Variants in SLC4A8 observed in about 807,000 individuals in gnomAD.
SLC4A8 encodes electroneutral sodium bicarbonate exchanger 1.
In SLC4A8, 40 loss-of-function variants were observed where a neutral mutation model predicts 125.0. The ratio of observed to expected loss-of-function variants is 0.32; its 90% CI spans 0.25 to 0.42. The LOEUF (loss-of-function observed/expected upper bound fraction) is 0.42, where lower values mean the gene tolerates loss of function less well. Ranked by LOEUF, SLC4A8 falls within the 10% of genes least tolerant of loss-of-function variation. SLC4A8 has a pLI of 1.00. For missense variants in SLC4A8, 863 were observed against 1,355.1 expected (o/e 0.64, Z 5.70); for synonymous variants, 456 against 476.0 (o/e 0.96, Z 0.55).
chr12:51,441,536 A>C (rs1949598144), intron 2 of SLC4A8, among the ~76,000 whole-genome samples: 1 of 152,136 alleles, frequency 6.6e-6, no homozygotes, highest in African/African-American at 2.4e-5. Context: ...ATGGTTTTCT[A>C]ATTAGTGTTG....
At chr12:51,444,730 A>G (rs771939424) in intron 2 of SLC4A8, among the ~76,000 whole-genome samples, 2 of 152,334 alleles carry the variant, frequency 1.3e-5, no homozygotes, top group Admixed American at 6.5e-5. Context: ...GGACTCGAAC[A>G]TTAGAACCTG....
chr12:51,514,260 G>C lies in SLC4A8; in HGVS notation c.*6822G>C, dbSNP rs1322232800. On this transcript the variant is annotated 3_prime_UTR_variant, in exon 25 of 25. Transcript: ENST00000453097. ...AGCCACATCCTAGCAGGGCATCCAG[G>C]AGCCTTGCACTGAACCTCTCAGCTC... 6.6e-6 allele frequency: 1 copy of C among 152,646 alleles called. No homozygotes were observed. The highest frequency in any genetic ancestry group is 1.5e-5 in the Non-Finnish European group (1 of 68,092). The allele number at this position is 152,646 out of a possible 1,614,324, so 9.5% of individuals were successfully genotyped here. A position where few individuals can be genotyped will look rare whatever the true frequency, so the allele number is the denominator to read the frequency against.
At chr12:51,401,493 C>T (rs1335280368) in intron 1 of SLC4A8, among the ~76,000 whole-genome samples, 1 of 152,160 alleles carries the variant, frequency 6.6e-6, no homozygotes, top group Non-Finnish European at 1.5e-5. Flanking sequence ...TTCCGTGGGC[C>T]GATGGCGTGC....
chr12:51,414,206 C>CT (rs938553616), intron 1 of SLC4A8, among the ~76,000 whole-genome samples: 8 of 149,310 alleles, frequency 5.4e-5, no homozygotes, highest in South Asian at 2.1e-4. Context: ...GCTTTCTTTG[C>CT]TTTTTTTTCC....
chr12:51,500,749 C>G (rs926702410), intron 22 of SLC4A8, among the ~76,000 whole-genome samples: 3 of 151,444 alleles, frequency 2.0e-5, no homozygotes, highest in Non-Finnish European at 4.4e-5. Context: ...TGCAGTGGCG[C>G]TATCTCGGCT....
At chr12:51,391,694 C>T (rs1214151696) in intron 1 of SLC4A8, 2 of 152,218 alleles carry the variant, frequency 1.3e-5, no homozygotes, top group Admixed American at 1.3e-4. Context: ...GGCGGGACCT[C>T]CCCCAGCTGC....
At chr12:51,406,781 C>A (rs1404702103) in intron 1 of SLC4A8, among the ~76,000 whole-genome samples, 1 of 152,182 alleles carries the variant, frequency 6.6e-6, no homozygotes. Flanking sequence ...TCCCCCAGAT[C>A]CTTGAGGTTA....
intron 16 of SLC4A8, chr12:51,480,583 C>A: frequency 1.0e-6 from 1 of 985,998 alleles, no homozygotes; most frequent in African/African-American, 1.7e-5. Flanking sequence ...GTATGGAATC[C>A]CAATGAATGT....
Position 51,502,847 on chromosome 12 carries a change from T to C in SLC4A8, c.3082-1182T>C, listed in dbSNP as rs555061291. Among the ~76,000 whole-genome samples the C allele has an allele frequency of 4.0e-5, 6 of 149,702 alleles. No homozygotes were observed. The South Asian group carries it at 1.3e-3, about 33-fold the overall frequency. On this transcript the variant is annotated intron_variant, in intron 22 of 24. Coordinates refer to ENST00000453097, the MANE Select transcript of SLC4A8 (RefSeq NM_001039960.3). ...CACCACGCCCGACTAATTTTTTTTT[T>C]TTTTTTTTTGAGATGGAGTCTCGCT...
intron 14 of SLC4A8, among the ~76,000 whole-genome samples, chr12:51,472,641 C>T (rs918778538): frequency 1.3e-5 from 2 of 152,112 alleles, no homozygotes; most frequent in Non-Finnish European, 2.9e-5. Context: ...CTTGGAAACG[C>T]AGTGGCAAAC....
At chr12:51,450,468 C>T (rs1246625678) in intron 2 of SLC4A8, among the ~76,000 whole-genome samples, 1 of 152,204 alleles carries the variant, frequency 6.6e-6, no homozygotes, top group Non-Finnish European at 1.5e-5. Flanking sequence ...TGAGCCTTAC[C>T]TGTGCTCTTA....
Position 51,513,618 on chromosome 12 carries a change from C to T in SLC4A8, c.*6180C>T. The T allele has an allele frequency of 6.6e-6, 1 of 152,262 alleles. No homozygotes were observed. Among genetic ancestry groups the T allele is most frequent in the East Asian group, 1.9e-4 (1 of 5,186 alleles). The allele number at this position is 152,262 out of a possible 1,614,324, so 9.4% of individuals were successfully genotyped here. Reference sequence around the variant, plus strand: ...TATAGGCGCGCACCACCATGCCCAGCTAATTTTTGTATTTTTAGTAGAGAT... The same window carrying T: ...TATAGGCGCGCACCACCATGCCCAGTTAATTTTTGTATTTTTAGTAGAGAT... On this transcript the variant is annotated 3_prime_UTR_variant, in exon 25 of 25. Coordinates refer to ENST00000453097, the MANE Select transcript of SLC4A8 (RefSeq NM_001039960.3).
intron 12 of SLC4A8, 63 bp downstream of exon 12, chr12:51,469,851 AGGTC>A: frequency 1.3e-6 from 2 of 1,505,138 alleles, no homozygotes; most frequent in Non-Finnish European, 1.8e-6. Flanking sequence ...GGCGGCAGCC[AGGTC>A]CACTGTGGGG....
intron 1 of SLC4A8, among the ~76,000 whole-genome samples, chr12:51,432,491 G>C (rs768509422): frequency 3.6e-4 from 54 of 151,130 alleles, no homozygotes; most frequent in Non-Finnish European, 6.0e-4. Flanking sequence ...TTGGGAGGCC[G>C]AGGTGGGTGG....
rs551145956 is a variant in SLC4A8, at chr12:51,447,827, C to T, written c.131-3049C>T. On this transcript the variant is annotated intron_variant, in intron 2 of 24. Transcript: ENST00000453097. ...CGCCGCCCAGGTTCATGCCATTCTC[C>T]TGCCTCAGCCTCCTAAGTAGCTGGG... Among the ~76,000 whole-genome samples the T allele has an allele frequency of 1.8e-4, 28 of 151,744 alleles. 1 individual carries two copies. The South Asian group carries it at 5.6e-3, about 31-fold the overall frequency.
chr12:51,393,045 T>C (rs1212174074), intron 1 of SLC4A8, among the ~76,000 whole-genome samples: 1 of 117,262 alleles, frequency 8.5e-6, no homozygotes, highest in African/African-American at 2.8e-5. Flanking sequence ...CTTTTTTCTT[T>C]CTTTCTTACT....
At chr12:51,411,505 C>A (rs1948597262) in intron 1 of SLC4A8, among the ~76,000 whole-genome samples, 1 of 152,104 alleles carries the variant, frequency 6.6e-6, no homozygotes, top group Non-Finnish European at 1.5e-5. Context: ...AGGAGGATCA[C>A]CTGAGCCCAG....
chr12:51,487,402 A>C (rs1281621882), intron 17 of SLC4A8, among the ~76,000 whole-genome samples: 2 of 152,164 alleles, frequency 1.3e-5, no homozygotes, highest in African/African-American at 4.8e-5. Context: ...GATTCTGTAA[A>C]CTTTTAGAAG....
At chr12:51,494,413 C>CT (rs11363276) in intron 20 of SLC4A8, 84 of 132,950 alleles carry the variant, frequency 6.3e-4, no homozygotes, top group East Asian at 3.9e-3. Context: ...TCTTTTTTTT[C>CT]TTTTTTTTTT....
Sources: gnomAD v4.1 joint callset for allele counts (sites outside exome capture counted in the v4.1 genomes callset) on GRCh38, gnomAD v4.1.1 for gene constraint, MANE v1.5 for transcripts, NCBI Gene and HGNC (gene_info 2026-07-23, HGNC 2026-07-21) for gene names.